The following PAXIP1 variants were observed in gnomAD, a reference collection of about 807,000 sequenced individuals.
PAXIP1 encodes the protein PAX-interacting protein 1.
In PAXIP1, 19 loss-of-function variants were observed where a neutral mutation model predicts 140.6. The ratio of observed to expected loss-of-function variants is 0.14; its 90% confidence interval spans 0.09 to 0.20. The LOEUF is 0.20. PAXIP1 is among the 10% of genes least tolerant of loss of function. PAXIP1 has a pLI of 1.00. For synonymous variants in PAXIP1, 442 were observed against 444.6 expected, an observed-to-expected ratio of 0.99 and a Z score of 0.07; for missense variants, 920 against 1,208.6, an observed-to-expected ratio of 0.76 and a Z score of 3.54.
intron 4 of PAXIP1, among the ~76,000 whole-genome samples, chr7:154,990,784 CTTT>C (rs1032870896): frequency 3.9e-5 from 6 of 151,916 alleles, no homozygotes; most frequent in Non-Finnish European, 8.8e-5. Flanking sequence ...AGTTTTAAAT[CTTT>C]TTTATTTATA....
intron 12 of PAXIP1, among the ~76,000 whole-genome samples, 153 bp downstream of exon 12, chr7:154,960,740 G>C (rs951724642): frequency 1.3e-5 from 2 of 152,092 alleles, no homozygotes; most frequent in South Asian, 2.1e-4. Flanking sequence ...TGGGGAGAAA[G>C]AAGAAAGAGT....
intron 4 of PAXIP1, among the ~76,000 whole-genome samples, chr7:154,983,947 G>C (rs1809955631): frequency 6.6e-6 from 1 of 152,214 alleles, no homozygotes; most frequent in Non-Finnish European, 1.5e-5. Context: ...GGCTTATGCA[G>C]TCAAACAGGC....
At chr7:154,984,941 T>G (rs1325094156) in intron 4 of PAXIP1, among the ~76,000 whole-genome samples, 1 of 152,178 alleles carries the variant, frequency 6.6e-6, no homozygotes, top group African/African-American at 2.4e-5. Context: ...GTGCAGGAGA[T>G]TGCTGTGGAA....
rs577198994 is a variant in PAXIP1 at position 154,988,713 on chromosome 7, G to A, written c.324+2293C>T. Reference sequence around the variant, plus strand: ...TCCCTGTCCCTGTCCCAAACTCAGCGTGGCCCTTCGTCCTCTCTCCCTTTC... The same window carrying A: ...TCCCTGTCCCTGTCCCAAACTCAGCATGGCCCTTCGTCCTCTCTCCCTTTC... On this transcript the variant is annotated intron_variant, in intron 4 of 20. Coordinates refer to ENST00000404141, the MANE Select transcript of PAXIP1 (RefSeq NM_007349.4). Among the ~76,000 whole-genome samples, 72 of 152,240 alleles carry A rather than the reference G, an allele frequency of 4.7e-4. No homozygotes were observed. In the South Asian group the frequency reaches 0.015, roughly 31 times the overall value.
rs1281330947 is a variant in PAXIP1, at chr7:154,963,146, A to AT, written c.1989+524dup. On this transcript the variant is annotated intron_variant, in intron 9 of 20. Transcript: ENST00000404141. The surrounding 1 kb of genome is among the most constrained non-coding windows in gnomAD (Gnocchi z 4.1). ...TCACCGTGCACAGAGAGCAGCTGGA[A>AT]TGGTGACTGCAGGGAGTGTCCGCCC... is the stretch of plus-strand genomic sequence containing the variant. Among the ~76,000 whole-genome samples the AT allele has an allele frequency of 6.6e-6, 1 of 152,136 alleles. No homozygotes were observed. The highest frequency in any genetic ancestry group is 1.5e-5 in the Non-Finnish European group (1 of 68,008).
At chr7:154,988,075 A>C (rs1307187071) in intron 4 of PAXIP1, among the ~76,000 whole-genome samples, 1 of 152,264 alleles carries the variant, frequency 6.6e-6, no homozygotes, top group Non-Finnish European at 1.5e-5. Flanking sequence ...TACTTTACCC[A>C]GTTCAAACTC....
intron 2 of PAXIP1, among the ~76,000 whole-genome samples, chr7:154,995,637 G>A (rs1325982187): frequency 6.6e-6 from 1 of 152,196 alleles, no homozygotes; most frequent in African/African-American, 2.4e-5. Flanking sequence ...ATCACTTGAG[G>A]TGACAGGTTC....
intron 8 of PAXIP1, among the ~76,000 whole-genome samples, chr7:154,966,251 C>T (rs910575657): frequency 2.6e-5 from 4 of 152,204 alleles, no homozygotes; most frequent in Non-Finnish European, 5.9e-5. Context: ...CTGGCCCCCG[C>T]GCACTGCACT....
In PAXIP1 at chr7:154,946,488, A is replaced by C. The variant is rs77319557; in HGVS notation, c.3133+24T>G. 8.1e-4 allele frequency: 1,299 copies of C among 1,609,214 alleles called. 8 individuals are homozygous for C. The African/African-American group carries it at 0.014, about 18-fold the overall frequency. On this transcript the variant is annotated intron_variant, in intron 19 of 20. Transcript: ENST00000404141. This position sits in a 1 kb window ranked among gnomAD's most constrained non-coding sequence, Gnocchi z 4.9. ...CACTGCTGTGCGTGCACACATACTC[A>C]CACAGGTAAGCGGGGAAACGTACCT...
intron 16 of PAXIP1, chr7:154,949,932 A>G (rs1402742944): frequency 6.6e-6 from 1 of 152,168 alleles, no homozygotes; most frequent in Non-Finnish European, 1.5e-5. Context: ...AGTAATATTG[A>G]AAAATACAGT....
intron 6 of PAXIP1, 49 bp downstream of exon 6, chr7:154,975,647 C>A: frequency 7.8e-7 from 1 of 1,276,762 alleles, no homozygotes; most frequent in Non-Finnish European, 1.1e-6. Flanking sequence ...ACTGTGAAAT[C>A]CAATTCTAAG....
intron 17 of PAXIP1, chr7:154,947,521 G>A (rs2293259): frequency 0.26 from 48,147 of 182,564 alleles, 6,731 homozygotes; most frequent in Middle Eastern, 0.34. Context: ...TTCTCCAGCT[G>A]AATATACATT....
chr7:154,945,208 T>G (rs537192036), intron 20 of PAXIP1: 1 of 152,238 alleles, frequency 6.6e-6, no homozygotes, highest in East Asian at 1.9e-4. Flanking sequence ...GGTCTCGAAC[T>G]CCTGATCTCA....
chr7:154,984,886 C>G (rs1020105133), intron 4 of PAXIP1, among the ~76,000 whole-genome samples: 1 of 152,124 alleles, frequency 6.6e-6, no homozygotes, highest in African/African-American at 2.4e-5. Context: ...TAAATCTAGT[C>G]CTATACCCTA....
At chr7:154,970,909 A>G (rs1809282628) in intron 6 of PAXIP1, among the ~76,000 whole-genome samples, 1 of 152,218 alleles carries the variant, frequency 6.6e-6, no homozygotes, top group Non-Finnish European at 1.5e-5. Context: ...CAGCCCATGG[A>G]ACTCTGAGGG....
At chr7:154,972,898 G>A (rs967461099) in intron 6 of PAXIP1, among the ~76,000 whole-genome samples, 16 of 152,278 alleles carry the variant, frequency 1.1e-4, no homozygotes, top group African/African-American at 3.8e-4. Flanking sequence ...ATTCTTTATG[G>A]CCTTTACTTT....
chr7:154,962,231 A>G, intron 10 of PAXIP1, 90 bp downstream of exon 10: 1 of 1,422,372 alleles, frequency 7.0e-7, no homozygotes. Context: ...TCAGAAGCCA[A>G]CGCAGGAGCC....
intron 11 of PAXIP1, 36 bp downstream of exon 11, chr7:154,961,491 A>C (rs1401432708): frequency 6.5e-7 from 1 of 1,533,054 alleles, no homozygotes; most frequent in Non-Finnish European, 8.8e-7. Context: ...TTGTGTGTAA[A>C]TTTATGATTA....
chr7:154,965,304 G>GACTGCA (rs1808957099), intron 8 of PAXIP1: 1 of 152,318 alleles, frequency 6.6e-6, no homozygotes, highest in Admixed American at 6.5e-5. Context: ...CTGGCATCCT[G>GACTGCA]ACTGCAACCT....
Sources: gnomAD v4.1 joint callset for allele counts (sites outside exome capture counted in the v4.1 genomes callset) on GRCh38, gnomAD v4.1.1 for gene constraint, Gnocchi (gnomAD v3.1) non-coding constraint, MANE v1.5 for transcripts, NCBI Gene and HGNC (gene_info 2026-07-23, HGNC 2026-07-21) for gene names.